Variants in SAMD12 observed in about 807,000 individuals in gnomAD.
SAMD12 encodes sterile alpha motif domain containing 12.
Under a neutral mutation model 15.0 loss-of-function variants are expected in SAMD12, and 9 were observed. The observed-to-expected ratio is 0.60, with a 90% CI of 0.36 to 1.05. The LOEUF (loss-of-function observed/expected upper bound fraction) is 1.05. Among genes scored for constraint, SAMD12 ranks in the 50% least tolerant of loss-of-function variants. The pLI is 0.01. For missense variants in SAMD12, 230 were observed against 234.2 expected, an observed-to-expected ratio of 0.98 and a Z score of 0.12; for synonymous variants, 86 against 90.1, an observed-to-expected ratio of 0.96 and a Z score of 0.25.
At chr8:118,197,623 TG>T in exon 5 of SAMD12, 1 of 1,071,766 alleles carries the variant, frequency 9.3e-7, no homozygotes, top group Non-Finnish European at 1.5e-6. Context: ...GGATATCTTC[TG>T]GCAGTGCCAT....
chr8:118,437,782 C>A (rs1822617847), intron 3 of SAMD12, among the ~76,000 whole-genome samples: 1 of 152,126 alleles, frequency 6.6e-6, no homozygotes, highest in Admixed American at 6.5e-5. Context: ...TAGCAGAAAA[C>A]CTTGGGAAGT....
chr8:118,178,474 A>G, the SAMD12 span, among the ~76,000 whole-genome samples: 10 of 152,150 alleles, frequency 6.6e-5, no homozygotes, highest in Non-Finnish European at 1.0e-4. Flanking sequence ...ATTAAAAAAA[A>G]TTGTTTTTTT....
chr8:118,387,662 G>A (rs1820039348), intron 3 of SAMD12, among the ~76,000 whole-genome samples: 2 of 152,052 alleles, frequency 1.3e-5, no homozygotes, highest in South Asian at 4.2e-4. Context: ...TACAAACATA[G>A]GCAGAAGCCA....
At chr8:118,143,735 G>GA in the SAMD12 span, among the ~76,000 whole-genome samples, 1 of 152,034 alleles carries the variant, frequency 6.6e-6, no homozygotes, top group African/African-American at 2.4e-5. Context: ...AATCAGAGAA[G>GA]AAAAAATGTA....
At chr8:118,480,212 T>A (rs1774211257) in intron 2 of SAMD12, among the ~76,000 whole-genome samples, 2 of 152,246 alleles carry the variant, frequency 1.3e-5, no homozygotes, top group South Asian at 4.2e-4. Context: ...ATGTCCTAAG[T>A]GAAAGATAGC....
intron 4 of SAMD12, among the ~76,000 whole-genome samples, chr8:118,204,663 A>G (rs1819812234): frequency 6.6e-6 from 1 of 152,192 alleles, no homozygotes; most frequent in African/African-American, 2.4e-5. Flanking sequence ...CTGAGGCAGA[A>G]GAATGGTGTG....
At chr8:118,592,663 T>C (rs1324610003) in intron 1 of SAMD12, among the ~76,000 whole-genome samples, 1 of 150,792 alleles carries the variant, frequency 6.6e-6, no homozygotes, top group Non-Finnish European at 1.5e-5. Context: ...TTTACTGTTA[T>C]TAATATTATT....
At chr8:118,434,071 C>T (rs1016245826) in intron 3 of SAMD12, among the ~76,000 whole-genome samples, 1 of 152,112 alleles carries the variant, frequency 6.6e-6, no homozygotes, top group Non-Finnish European at 1.5e-5. Context: ...CTGAAGAGAA[C>T]AACGTTAGCA....
At chr8:118,538,172 GTCTGTCTGTCTGTCTGTC>G (rs1413742961) in intron 2 of SAMD12, among the ~76,000 whole-genome samples, 1 of 61,952 alleles carries the variant, frequency 1.6e-5, no homozygotes, top group Non-Finnish European at 4.5e-5. Flanking sequence ...CTGTCTGTCT[GTCTGTCTGTCTGTCTGTC>G]TCTCTTTCTC....
intron 2 of SAMD12, among the ~76,000 whole-genome samples, chr8:118,563,664 A>G (rs1033956686): frequency 2.6e-5 from 4 of 152,224 alleles, no homozygotes; most frequent in African/African-American, 9.6e-5. Flanking sequence ...GAGAAGGAAA[A>G]ATTCCAATTT....
At chr8:118,272,021 C>T (rs1307276300) in intron 4 of SAMD12, among the ~76,000 whole-genome samples, 1 of 152,202 alleles carries the variant, frequency 6.6e-6, no homozygotes, top group Non-Finnish European at 1.5e-5. Flanking sequence ...TAAGCAGTGC[C>T]CCAGTGGGGA....
chr8:118,241,599 T>A (rs1263947933), intron 4 of SAMD12, among the ~76,000 whole-genome samples: 1 of 152,184 alleles, frequency 6.6e-6, no homozygotes, highest in Non-Finnish European at 1.5e-5. Flanking sequence ...ACTGCTGGCC[T>A]AGGGGACAAG....
At chr8:118,360,083 C>G (rs926154045) in intron 4 of SAMD12, among the ~76,000 whole-genome samples, 7 of 152,138 alleles carry the variant, frequency 4.6e-5, no homozygotes, top group Non-Finnish European at 7.3e-5. Flanking sequence ...TTTGCTCCAC[C>G]TGGGCAGTGG....
At chr8:118,583,006 T>A (rs1586835589) in intron 1 of SAMD12, among the ~76,000 whole-genome samples, 1 of 152,164 alleles carries the variant, frequency 6.6e-6, no homozygotes, top group Non-Finnish European at 1.5e-5. Flanking sequence ...GTTTTCATCT[T>A]GAAGCAGAAA....
At chr8:118,234,352 A>G (rs149450022) in intron 4 of SAMD12, among the ~76,000 whole-genome samples, 7 of 152,196 alleles carry the variant, frequency 4.6e-5, no homozygotes, top group Admixed American at 2.0e-4. Context: ...GAAATTACAC[A>G]TACTGATTTG....
the SAMD12 span, among the ~76,000 whole-genome samples, chr8:118,141,081 C>A: frequency 1.3e-5 from 2 of 152,106 alleles, no homozygotes; most frequent in Non-Finnish European, 2.9e-5. Flanking sequence ...ATTGAGTACT[C>A]CAGAGTGTTA....
Position 118,284,548 on chromosome 8 carries a change from T to C in SAMD12, c.434-86816A>G, listed in dbSNP as rs371282928. ...GAACATCAAGACTGACTGGAAATGG[T>C]GATGTGAAATTCATTAAATGCTCTT... On this transcript the variant is annotated intron_variant, in intron 4 of 4. Coordinates refer to the SAMD12 transcript ENST00000409003. 3 of 337,520 alleles carry C rather than the reference T, an allele frequency of 8.9e-6. No homozygotes were observed. In the East Asian group the frequency reaches 2.4e-4, roughly 27 times the overall value. 20.9% of individuals were successfully genotyped at this position (337,520 alleles called of 1,614,324 possible). A position where few individuals can be genotyped will look rare whatever the true frequency, so the allele number is the denominator to read the frequency against.
intron 2 of SAMD12, among the ~76,000 whole-genome samples, chr8:118,482,892 C>G (rs1403816203): frequency 6.6e-6 from 1 of 152,186 alleles, no homozygotes; most frequent in Non-Finnish European, 1.5e-5. Flanking sequence ...CTCCTCTGTA[C>G]TGAAGTGTTT....
intron 2 of SAMD12, among the ~76,000 whole-genome samples, chr8:118,545,918 CA>C (rs1399289323): frequency 2.6e-5 from 4 of 152,136 alleles, no homozygotes; most frequent in Non-Finnish European, 5.9e-5. Context: ...TGATTGTTCC[CA>C]ACTGCAAAGC....
Sources: gnomAD v4.1 joint callset for allele counts (sites outside exome capture counted in the v4.1 genomes callset) on GRCh38, gnomAD v4.1.1 for gene constraint, MANE v1.5 for transcripts, NCBI Gene and HGNC (gene_info 2026-07-23, HGNC 2026-07-21) for gene names.